CBFA2T2: variants seen among roughly 807,000 people sequenced by gnomAD.
CBFA2T2 encodes the protein protein CBFA2T2.
In CBFA2T2, 11 loss-of-function variants were observed where a neutral mutation model predicts 62.2. The observed-to-expected ratio is 0.18, with a 90% CI of 0.11 to 0.29. The LOEUF is 0.29. Ranked by LOEUF, CBFA2T2 falls within the 10% of genes least tolerant of loss-of-function variation. The pLI, the probability that CBFA2T2 is intolerant of heterozygous loss-of-function variation, is 1.00. For synonymous variants in CBFA2T2, 295 were observed against 287.5 expected, an observed-to-expected ratio of 1.03 and a Z score of -0.27; for missense variants, 592 against 774.1, an observed-to-expected ratio of 0.76 and a Z score of 2.79.
intron 1 of CBFA2T2, chr20:33,600,252 C>T (rs2122267954): frequency 8.5e-6 from 1 of 118,284 alleles, no homozygotes; most frequent in South Asian, 2.8e-4. Context: ...AGTGCAGTGG[C>T]ACCATCTCAA....
chr20:33,532,875 G>A (rs2012099437), intron 1 of CBFA2T2, among the ~76,000 whole-genome samples: 1 of 152,186 alleles, frequency 6.6e-6, no homozygotes, highest in African/African-American at 2.4e-5. Context: ...CCCTTGTGCT[G>A]TCTTCTGCTG....
intron 1 of CBFA2T2, among the ~76,000 whole-genome samples, chr20:33,498,885 A>G (rs1339946748): frequency 6.6e-6 from 1 of 152,060 alleles, no homozygotes; most frequent in Non-Finnish European, 1.5e-5. Flanking sequence ...TCTTCTAAAA[A>G]TACAAAAATT....
At chr20:33,512,534 A>G (rs1349622446) in intron 1 of CBFA2T2, among the ~76,000 whole-genome samples, 2 of 152,162 alleles carry the variant, frequency 1.3e-5, no homozygotes, top group East Asian at 3.9e-4. Context: ...GCATTCTTCC[A>G]TATCTGGCTT....
At position 33,636,596 on chromosome 20, in the gene CBFA2T2, C is replaced by T. The variant is rs778885655; in HGVS notation, c.1229-44C>T. On this transcript the variant is annotated intron_variant, in intron 8 of 10. Coordinates refer to ENST00000342704, the MANE Select transcript of CBFA2T2 (RefSeq NM_001032999.3). ...TCTGATCAAAAATAAAACTGCTGAT[C>T]ATAGACAGCTTCTGACCCTATGCTT... The T allele has an allele frequency of 4.2e-6, 6 of 1,427,296 alleles. No individual in the cohort carries two copies. The East Asian group carries it at 9.1e-5, about 22-fold the overall frequency. 88.4% of individuals were successfully genotyped at this position (1,427,296 alleles called of 1,614,324 possible).
rs372396511 is a variant in CBFA2T2, at chr20:33,543,415, A to G, written c.34+53114A>G. 9.2e-5 allele frequency among the ~76,000 whole-genome samples: 14 copies of G among 152,370 alleles called. No homozygotes were observed. In the East Asian group the frequency reaches 2.3e-3, roughly 25 times the overall value. On this transcript the variant is annotated intron_variant, in intron 1 of 10. Coordinates refer to ENST00000342704, the MANE Select transcript of CBFA2T2 (RefSeq NM_001032999.3). ...TCTGGCGCAATGGAGTGCTGAAGAC[A>G]AACACGTAAAATAGTTAACATTCAA...
At chr20:33,579,558 T>C (rs1288237972) in intron 1 of CBFA2T2, among the ~76,000 whole-genome samples, 2 of 150,074 alleles carry the variant, frequency 1.3e-5, no homozygotes, top group Non-Finnish European at 3.0e-5. Context: ...ACGAATCTTT[T>C]TTTTTTTTTT....
intron 3 of CBFA2T2, among the ~76,000 whole-genome samples, chr20:33,619,162 C>T (rs2015831006): frequency 6.6e-6 from 1 of 152,124 alleles, no homozygotes. Flanking sequence ...ATAGCTTGAG[C>T]TCAGGAGTTC....
At chr20:33,533,946 AC>A (rs1220641322) in intron 1 of CBFA2T2, among the ~76,000 whole-genome samples, 1 of 151,910 alleles carries the variant, frequency 6.6e-6, no homozygotes, top group African/African-American at 2.4e-5. Flanking sequence ...AGCCGAGATC[AC>A]GCCAGTGCTC....
intron 1 of CBFA2T2, among the ~76,000 whole-genome samples, chr20:33,549,557 C>T (rs1309244986): frequency 6.6e-6 from 1 of 152,060 alleles, no homozygotes; most frequent in East Asian, 1.9e-4. Context: ...TTTATAGGGA[C>T]AGTGAAAGCA....
chr20:33,554,338 C>T (rs979114921), intron 1 of CBFA2T2, among the ~76,000 whole-genome samples: 9 of 149,686 alleles, frequency 6.0e-5, no homozygotes, highest in African/African-American at 1.7e-4. Context: ...CTGCAGCCTT[C>T]GCCTCCTGGG....
At chr20:33,628,090 A>G (rs2016312015) in intron 6 of CBFA2T2, among the ~76,000 whole-genome samples, 1 of 152,210 alleles carries the variant, frequency 6.6e-6, no homozygotes, top group Non-Finnish European at 1.5e-5. Flanking sequence ...TATGTATGAC[A>G]TACCTGTTTA....
intron 1 of CBFA2T2, among the ~76,000 whole-genome samples, chr20:33,494,232 CATATATATGT>C (rs1354270093): frequency 2.0e-4 from 12 of 60,022 alleles, no homozygotes; most frequent in African/African-American, 7.1e-4. Flanking sequence ...ATGTATTAGG[CATATATATGT>C]GTATATATAT....
intron 4 of CBFA2T2, among the ~76,000 whole-genome samples, chr20:33,622,500 T>TG (rs1302546029): frequency 6.6e-6 from 1 of 152,238 alleles, no homozygotes; most frequent in Admixed American, 6.5e-5. Flanking sequence ...CTTTTAAAGA[T>TG]GTATAGGGTT....
chr20:33,505,419 C>T (rs1464082976), intron 1 of CBFA2T2, among the ~76,000 whole-genome samples: 4 of 152,188 alleles, frequency 2.6e-5, no homozygotes, highest in Non-Finnish European at 5.9e-5. Flanking sequence ...TTTTATAGTA[C>T]TCTCCATTTG....
At chr20:33,597,651 G>A (rs2014948159) in intron 1 of CBFA2T2, among the ~76,000 whole-genome samples, 1 of 152,194 alleles carries the variant, frequency 6.6e-6, no homozygotes, top group Admixed American at 6.5e-5. Flanking sequence ...AGGTGGAACA[G>A]TTTCATCCTG....
intron 1 of CBFA2T2, among the ~76,000 whole-genome samples, chr20:33,540,650 GC>G (rs2146877654): frequency 6.6e-6 from 1 of 152,274 alleles, no homozygotes; most frequent in South Asian, 2.1e-4. Flanking sequence ...GATTTATTGG[GC>G]TAGTTAGCAT....
At chr20:33,611,623 C>A (rs944137454) in intron 3 of CBFA2T2, among the ~76,000 whole-genome samples, 3 of 151,968 alleles carry the variant, frequency 2.0e-5, no homozygotes, top group African/African-American at 7.2e-5. Flanking sequence ...TTAAGCAGTT[C>A]TCTTGCTGCA....
intron 1 of CBFA2T2, among the ~76,000 whole-genome samples, chr20:33,520,031 G>C (rs994313632): frequency 1.3e-5 from 2 of 152,090 alleles, no homozygotes; most frequent in Admixed American, 6.6e-5. Flanking sequence ...CCTAATCCCA[G>C]CTACTCGGGA....
chr20:33,548,821 T>TG (rs2012651419), intron 1 of CBFA2T2, among the ~76,000 whole-genome samples: 1 of 152,068 alleles, frequency 6.6e-6, no homozygotes, highest in Non-Finnish European at 1.5e-5. Flanking sequence ...CCAGACATGG[T>TG]GGCATTCTTC....
Sources: gnomAD v4.1 joint callset for allele counts (sites outside exome capture counted in the v4.1 genomes callset) on GRCh38, gnomAD v4.1.1 for gene constraint, MANE v1.5 for transcripts, NCBI Gene and HGNC (gene_info 2026-07-23, HGNC 2026-07-21) for gene names.